Variants in ITSN1 observed in about 807,000 individuals in gnomAD.
ITSN1 encodes intersectin-1.
ITSN1 carries 58 observed loss-of-function variants against 239.8 expected under a neutral mutation model. That is an observed-to-expected ratio of 0.24 (90% confidence interval 0.20 to 0.30). The LOEUF (loss-of-function observed/expected upper bound fraction) is 0.30. Ranked by LOEUF, ITSN1 falls within the 10% of genes least tolerant of loss-of-function variation. The pLI, the probability that ITSN1 is intolerant of heterozygous loss-of-function variation, is 1.00. For synonymous variants in ITSN1, 780 were observed against 770.8 expected (o/e 1.01, Z -0.20); for missense variants, 1,558 against 2,103.3 (o/e 0.74, Z 5.07).
chr21:33,853,857 G>T (rs1459401744), intron 29 of ITSN1, among the ~76,000 whole-genome samples: 1 of 152,148 alleles, frequency 6.6e-6, no homozygotes, highest in East Asian at 1.9e-4. Context: ...TGGGGAGTGG[G>T]GACAGTACTG....
chr21:33,727,744 C>T (rs1439218071), intron 4 of ITSN1, among the ~76,000 whole-genome samples: 1 of 151,954 alleles, frequency 6.6e-6, no homozygotes, highest in Non-Finnish European at 1.5e-5. Flanking sequence ...CTGCCCAAAC[C>T]AACACCTGGG....
intron 1 of ITSN1, among the ~76,000 whole-genome samples, chr21:33,714,420 G>T (rs572916622): frequency 6.5e-4 from 99 of 152,200 alleles, no homozygotes; most frequent in South Asian, 2.1e-4. Flanking sequence ...TGAGGTGAAG[G>T]CTTTTGGAGG....
In ITSN1 at chr21:33,675,004, A is replaced by G. The variant is rs1601571569; in HGVS notation, c.-33+32291A>G. On this transcript the variant is annotated intron_variant, in intron 1 of 39. Transcript: ENST00000381318. ...AGGACACTCACTCTTTCCAGAAACA[A>G]TACTGATAACATACTGAAGTTTATT... is the stretch of plus-strand genomic sequence containing the variant. 3.3e-5 allele frequency among the ~76,000 whole-genome samples: 5 copies of G among 152,336 alleles called. 1 individual carries two copies. Among genetic ancestry groups the G allele is most frequent in the Admixed American group, 3.3e-4 (5 of 15,300 alleles).
chr21:33,766,545 G>T (rs545352554), intron 10 of ITSN1, among the ~76,000 whole-genome samples: 1 of 152,298 alleles, frequency 6.6e-6, no homozygotes, highest in Non-Finnish European at 1.5e-5. Context: ...CGCTGTCCAG[G>T]ACAGCTCTGT....
intron 1 of ITSN1, among the ~76,000 whole-genome samples, chr21:33,711,652 T>TG (rs1491569549): frequency 6.9e-4 from 93 of 134,894 alleles, no homozygotes; most frequent in Middle Eastern, 3.8e-3. Context: ...TTTCTGTGTG[T>TG]TGTGTGTGTG....
intron 29 of ITSN1, among the ~76,000 whole-genome samples, chr21:33,853,822 G>T (rs1978792165): frequency 6.6e-6 from 1 of 152,174 alleles, no homozygotes; most frequent in South Asian, 2.1e-4. Context: ...GGACTGGAGT[G>T]GGATGCAGGG....
Position 33,819,308 on chromosome 21 carries a change from G to T in ITSN1, c.3001G>T (p.Val1001Phe). 1.9e-6 allele frequency: 3 copies of T among 1,613,954 alleles called. No homozygotes were observed. The highest frequency in any genetic ancestry group is 2.5e-6 in the Non-Finnish European group (3 of 1,179,834). The change falls in exon 24 of 40, where the codon GTC (valine) becomes TTC (phenylalanine). Residue 1001 changes from valine (V) to phenylalanine (F), a missense_variant. Physicochemically the swap from Val to Phe is conservative, Grantham distance 50. Around this residue, in one of 2 missense-constraint regions of ITSN1, gnomAD observed 982 missense variants for 1,209.9 expected, o/e 0.81. Coordinates refer to ENST00000381318, the MANE Select transcript of ITSN1 (RefSeq NM_003024.3). ...AGTAGCCTCTCCAGCAGCCAAGCCG[G>T]TCGTTTCGGGAGAAGGTGAGGGCCT... ...KRVASPAAKP[V>F]VSGEEFIAMY...
chr21:33,722,708 T>A (rs987248011), intron 4 of ITSN1, 57 bp downstream of exon 4: 5 of 1,463,788 alleles, frequency 3.4e-6, no homozygotes, highest in Non-Finnish European at 4.6e-6. Context: ...TAAAATATCG[T>A]TTTGTTCTAT....
Position 33,858,869 on chromosome 21 carries a change from G to A in ITSN1, c.3890+77G>A, listed in dbSNP as rs888442690. 5 of 761,098 alleles carry A rather than the reference G, an allele frequency of 6.6e-6. No individual in the cohort carries two copies. The African/African-American group carries it at 7.1e-5, about 11-fold the overall frequency. 47.1% of individuals were successfully genotyped at this position (761,098 alleles called of 1,614,324 possible). A position where few individuals can be genotyped will look rare whatever the true frequency, so the allele number is the denominator to read the frequency against. On this transcript the variant is annotated intron_variant, in intron 31 of 39. Coordinates refer to ENST00000381318, the MANE Select transcript of ITSN1 (RefSeq NM_003024.3). Reference sequence around the variant, plus strand: ...CACTCGCACCTCTGTGGGTCTGTGTGTCCTTCTTGCATGCTGCCCTGTGCT... The same window carrying A: ...CACTCGCACCTCTGTGGGTCTGTGTATCCTTCTTGCATGCTGCCCTGTGCT...
At chr21:33,806,322 C>G (rs1188242820) in intron 20 of ITSN1, among the ~76,000 whole-genome samples, 1 of 152,200 alleles carries the variant, frequency 6.6e-6, no homozygotes, top group Non-Finnish European at 1.5e-5. Flanking sequence ...CAACACATCC[C>G]ATGCAGCCAC....
chr21:33,814,742 G>A (rs974442594), intron 22 of ITSN1, among the ~76,000 whole-genome samples: 2 of 152,194 alleles, frequency 1.3e-5, no homozygotes, highest in Admixed American at 6.5e-5. Context: ...CTGGAGGAGC[G>A]GTGTGCAGGA....
intron 1 of ITSN1, among the ~76,000 whole-genome samples, chr21:33,680,323 CTTTT>C (rs2090867489): frequency 6.8e-6 from 1 of 147,520 alleles, no homozygotes; most frequent in South Asian, 2.1e-4. Flanking sequence ...CTTTTTCTTT[CTTTT>C]CTTTTTTCTT....
intron 12 of ITSN1, among the ~76,000 whole-genome samples, chr21:33,774,057 T>C (rs549367007): frequency 4.1e-4 from 62 of 152,280 alleles, no homozygotes; most frequent in African/African-American, 1.5e-3. Context: ...AAACTTTTCT[T>C]CAACGTACCA....
chr21:33,872,059 C>T (rs1982842220), intron 33 of ITSN1, among the ~76,000 whole-genome samples: 1 of 152,170 alleles, frequency 6.6e-6, no homozygotes, highest in South Asian at 2.1e-4. Context: ...AAAGTTCACA[C>T]TCACAGGTAA....
At chr21:33,745,348 G>C (rs768665753) in intron 5 of ITSN1, among the ~76,000 whole-genome samples, 35 of 152,112 alleles carry the variant, frequency 2.3e-4, no homozygotes, top group Admixed American at 2.3e-3. Flanking sequence ...GATGGAGAGG[G>C]GACTGTGGAT....
At chr21:33,779,395 TC>T (rs1745133851) in intron 14 of ITSN1, among the ~76,000 whole-genome samples, 1 of 152,362 alleles carries the variant, frequency 6.6e-6, no homozygotes, top group South Asian at 2.1e-4. Context: ...CAATTCAAAA[TC>T]TTTTTTAAAT....
chr21:33,769,967 G>A (rs2069016729), intron 11 of ITSN1, among the ~76,000 whole-genome samples: 1 of 152,006 alleles, frequency 6.6e-6, no homozygotes, highest in East Asian at 1.9e-4. Flanking sequence ...AAAAGTGTTG[G>A]GATTACAGGT....
chr21:33,754,345 A>G (rs2067772001), intron 7 of ITSN1: 1 of 152,258 alleles, frequency 6.6e-6, no homozygotes, highest in Admixed American at 6.5e-5. Flanking sequence ...AAGTGCATAG[A>G]TAACACATGG....
intron 22 of ITSN1, chr21:33,814,391 A>C: frequency 3.5e-6 from 1 of 284,798 alleles, no homozygotes. Flanking sequence ...TCAGACAGAA[A>C]CTGCTGGGAA....
Sources: allele counts gnomAD v4.1 joint callset (sites outside exome capture counted in the v4.1 genomes callset), GRCh38; gene constraint gnomAD v4.1.1; regional missense constraint gnomAD v4.1.1; transcripts MANE v1.5; gene names NCBI Gene and HGNC (gene_info 2026-07-23, HGNC 2026-07-21).